The following RBBP8NL variants were observed in gnomAD, a reference collection of about 807,000 sequenced individuals.
The protein encoded by RBBP8NL is RBBP8 N-terminal like.
A neutral mutation model predicts 62.2 loss-of-function variants in RBBP8NL; 59 were observed. The observed-to-expected ratio is 0.95, with a 90% CI of 0.77 to 1.18. The LOEUF is 1.18. Among genes scored for constraint, RBBP8NL ranks in the 50% most tolerant of loss-of-function variants. The pLI is 0.00. For missense variants in RBBP8NL, 896 were observed against 899.5 expected (o/e 1.00, Z 0.05); for synonymous variants, 412 against 394.1 (o/e 1.05, Z -0.54).
intron 5 of RBBP8NL, 58 bp from the exon 6 acceptor site, chr20:62,416,294 T>TG: frequency 7.8e-6 from 4 of 515,302 alleles, no homozygotes; most frequent in East Asian, 4.7e-5. Flanking sequence ...GGGGCAGGGG[T>TG]GGGGTCGTCA....
intron 13 of RBBP8NL, among the ~76,000 whole-genome samples, chr20:62,412,053 G>C (rs866769745): frequency 6.6e-6 from 1 of 152,242 alleles, no homozygotes; most frequent in Non-Finnish European, 1.5e-5. Flanking sequence ...CGATACCCTC[G>C]GACCAGGGCC....
rs1358370023 is a variant in RBBP8NL at position 62,416,803 on chromosome 20, G to A, written c.270C>T (p.Phe90=). ...GCAGGTTCTGCAGGTGGGAGCTCTC[G>A]AACTCCTGCTGCCGCTTCCTGGCCA... ...QELARKRQQE[F]ESSHLQNLQR... Residue 90 remains phenylalanine (F), a synonymous_variant, in exon 5 of 14, where the codon TTC becomes TTT. Transcript: ENST00000252998. 7 of 1,590,182 alleles carry A rather than the reference G, an allele frequency of 4.4e-6. No individual in the cohort carries two copies. The East Asian group carries it at 6.8e-5, about 16-fold the overall frequency.
rs772462133 is a variant in RBBP8NL at position 62,414,320 on chromosome 20, G to T, written c.1031C>A (p.Ala344Glu). Residue 344 changes from alanine (A) to glutamate (E), a missense_variant, in exon 10 of 14, where the codon GCG (alanine) becomes GAG (glutamate). By Grantham distance (107) the Ala-to-Glu change is moderately radical. Transcript: ENST00000252998. ...TELLGLPSAL[A>E]GMQDLRLEGA... ...CTCCAGGCGAAGGTCCTGCATGCCC[G>T]CCAGGGCACTGGGCAGCCCCAGCAG... The T allele has an allele frequency of 7.7e-6, 12 of 1,560,844 alleles. No individual in the cohort carries two copies. The South Asian group carries it at 8.2e-5, about 11-fold the overall frequency.
intron 1 of RBBP8NL, among the ~76,000 whole-genome samples, chr20:62,423,180 C>A (rs1265210244): frequency 6.6e-6 from 1 of 152,142 alleles, no homozygotes; most frequent in Non-Finnish European, 1.5e-5. Context: ...CACACTGAGA[C>A]CTTCCTGACA....
At chr20:62,425,915 A>AG (rs1375465089) in intron 1 of RBBP8NL, among the ~76,000 whole-genome samples, 2 of 151,658 alleles carry the variant, frequency 1.3e-5, no homozygotes, top group African/African-American at 4.8e-5. Context: ...TGGCAGTGGC[A>AG]TAGCAGTGGC....
intron 1 of RBBP8NL, among the ~76,000 whole-genome samples, chr20:62,420,234 G>A (rs1431333445): frequency 6.6e-6 from 1 of 151,962 alleles, no homozygotes; most frequent in Non-Finnish European, 1.5e-5. Context: ...CCACACCCCG[G>A]CCCCAACACC....
chr20:62,415,130 G>T lies in RBBP8NL; in HGVS notation c.785C>A (p.Ser262Tyr). 1.4e-6 allele frequency: 2 copies of T among 1,480,304 alleles called. No homozygotes were observed. Among genetic ancestry groups the T allele is most frequent in the Non-Finnish European group, 1.8e-6 (2 of 1,112,084 alleles). The allele number at this position is 1,480,304 out of a possible 1,614,324, so 91.7% of individuals were successfully genotyped here. A position where few individuals can be genotyped will look rare whatever the true frequency, so the allele number is the denominator to read the frequency against. Residue 262 changes from serine to tyrosine, a missense_variant, in exon 9 of 14, where the codon TCC becomes TAC. Ser to Tyr is a moderately radical substitution (Grantham distance 144). Transcript: ENST00000252998. The part of the protein sequence containing the change: ...PPSPAYERGL[S>Y]LDSFLRASRP... ...TGGGGCAGGCGGGCACCTGTCCAGG[G>T]AGAGGCCACGCTCATACGCTGGGCT...
rs759276181 is a variant in RBBP8NL, at chr20:62,414,292, C to T, written c.1059G>A (p.Gly353=). The change falls in exon 10 of 14, where the codon GGG becomes GGA. Residue 353 remains glycine, a synonymous_variant. Coordinates refer to ENST00000252998, the MANE Select transcript of RBBP8NL (RefSeq NM_080833.3). ...GCTGGGCCAGGAGCAGGTGCAGTGCCCCCTCCAGGCGAAGGTCCTGCATGC... is the reference window on the plus strand; with the variant it reads ...GCTGGGCCAGGAGCAGGTGCAGTGCTCCCTCCAGGCGAAGGTCCTGCATGC... The part of the protein sequence containing the change: ...LAGMQDLRLE[G]ALHLLLAQQQ... The T allele has an allele frequency of 6.8e-5, 107 of 1,573,918 alleles. No homozygotes were observed. Among genetic ancestry groups the T allele is most frequent in the African/African-American group, 8.1e-5 (6 of 74,238 alleles).
At chr20:62,416,280 G>GA in intron 5 of RBBP8NL, 44 bp from the exon 6 acceptor site, 9 of 602,864 alleles carry the variant, frequency 1.5e-5, no homozygotes, top group Admixed American at 9.6e-5. Context: ...GGTTGGGGGG[G>GA]ACAGGGGCAG....
Position 62,415,109 on chromosome 20 carries a change from G to A in RBBP8NL, c.794+12C>T. ...TGAGGCTACTCTGGGTGAGGGTGGG[G>A]CAGGCGGGCACCTGTCCAGGGAGAG... On this transcript the variant is annotated intron_variant, in intron 9 of 13. Coordinates refer to ENST00000252998, the MANE Select transcript of RBBP8NL (RefSeq NM_080833.3). 6.9e-7 allele frequency: 1 copy of A among 1,456,840 alleles called. No homozygotes were observed. The highest frequency in any genetic ancestry group is 9.1e-7 in the Non-Finnish European group (1 of 1,101,400). 90.2% of individuals were successfully genotyped at this position (1,456,840 alleles called of 1,614,324 possible).
At chr20:62,420,364 A>G (rs1185320073) in intron 1 of RBBP8NL, among the ~76,000 whole-genome samples, 4 of 140,008 alleles carry the variant, frequency 2.9e-5, no homozygotes, top group Non-Finnish European at 6.0e-5. Context: ...ACACACACAC[A>G]CACACACACA....
intron 1 of RBBP8NL, among the ~76,000 whole-genome samples, chr20:62,421,259 G>C (rs34076437): frequency 1.3e-5 from 2 of 150,978 alleles, no homozygotes; most frequent in African/African-American, 2.4e-5. Context: ...GCATGTGTGT[G>C]CCGTGTGTGT....
chr20:62,412,970 G>T, intron 11 of RBBP8NL, 70 bp from the exon 12 acceptor site: 1 of 1,549,016 alleles, frequency 6.5e-7, no homozygotes, highest in South Asian at 1.1e-5. Flanking sequence ...TGCCAGACTA[G>T]GATGGGTGGA....
chr20:62,426,008 C>G (rs368708128), intron 1 of RBBP8NL, among the ~76,000 whole-genome samples: 4 of 57,804 alleles, frequency 6.9e-5, no homozygotes, highest in African/African-American at 4.0e-4. Flanking sequence ...GTGGCAGTGG[C>G]AGTGGCAGCG....
chr20:62,416,683 C>T (rs563787863), intron 5 of RBBP8NL, 77 bp downstream of exon 5: 4 of 979,912 alleles, frequency 4.1e-6, no homozygotes, highest in African/African-American at 1.6e-5. Context: ...TCCCCATGCC[C>T]CTACATGGGC....
intron 1 of RBBP8NL, among the ~76,000 whole-genome samples, chr20:62,425,932 A>G (rs1240282445): frequency 1.3e-5 from 2 of 151,254 alleles, no homozygotes; most frequent in African/African-American, 2.4e-5. Context: ...TGGCAGTGAC[A>G]GTAGCAGTAG....
intron 5 of RBBP8NL, 88 bp from the exon 6 acceptor site, chr20:62,416,324 C>G: frequency 8.3e-7 from 1 of 1,198,322 alleles, no homozygotes; most frequent in East Asian, 2.5e-5. Context: ...GGAAGCCCCT[C>G]AGCAGTGCCC....
At chr20:62,412,132 G>A (rs541718481) in intron 13 of RBBP8NL, among the ~76,000 whole-genome samples, 27 of 152,342 alleles carry the variant, frequency 1.8e-4, no homozygotes, top group Admixed American at 4.6e-4. Flanking sequence ...CACTGGAGCC[G>A]TCCGCAATTC....
At chr20:62,413,017 G>C in intron 11 of RBBP8NL, 117 bp from the exon 12 acceptor site, 2 of 1,195,304 alleles carry the variant, frequency 1.7e-6, no homozygotes, top group Non-Finnish European at 2.4e-6. Flanking sequence ...GGCACGGAGG[G>C]CCAAGTGACC....
Sources: allele counts gnomAD v4.1 joint callset (sites outside exome capture counted in the v4.1 genomes callset), GRCh38; gene constraint gnomAD v4.1.1; transcripts MANE v1.5; gene names NCBI Gene and HGNC (gene_info 2026-07-23, HGNC 2026-07-21).